Variants in DNER observed in about 807,000 individuals in gnomAD.
DNER encodes delta and Notch-like epidermal growth factor-related receptor.
DNER carries 33 observed loss-of-function variants against 78.2 expected under a neutral mutation model. The ratio of observed to expected loss-of-function variants is 0.42; its 90% CI spans 0.32 to 0.56. The LOEUF (loss-of-function observed/expected upper bound fraction) is 0.56, where lower values mean the gene tolerates loss of function less well. Among genes scored for constraint, DNER ranks in the 20% least tolerant of loss-of-function variants. DNER has a pLI of 0.11. For synonymous variants in DNER, 417 were observed against 384.8 expected, an observed-to-expected ratio of 1.08 and a Z score of -0.98; for missense variants, 918 against 975.3, an observed-to-expected ratio of 0.94 and a Z score of 0.78.
At chr2:229,686,645 T>C (rs1699486971) in intron 1 of DNER, among the ~76,000 whole-genome samples, 1 of 152,076 alleles carries the variant, frequency 6.6e-6, no homozygotes, top group Non-Finnish European at 1.5e-5. Context: ...TGCTCCTCCA[T>C]GAGCTGACTC....
chr2:229,683,338 C>G (rs1409728071), intron 1 of DNER, among the ~76,000 whole-genome samples: 1 of 152,158 alleles, frequency 6.6e-6, no homozygotes, highest in African/African-American at 2.4e-5. Context: ...ATATTCTTAA[C>G]CTTGACACGT....
rs2154218000 is a variant in DNER, at chr2:229,714,522, G to T, written c.-99C>A. 2 of 1,054,284 alleles carry T rather than the reference G, an allele frequency of 1.9e-6. No homozygotes were observed. Among genetic ancestry groups the T allele is most frequent in the Admixed American group, 5.4e-5 (1 of 18,404 alleles). 65.3% of individuals were successfully genotyped at this position (1,054,284 alleles called of 1,614,324 possible). A position where few individuals can be genotyped will look rare whatever the true frequency, so the allele number is the denominator to read the frequency against. ...CTGCGAGAGCGACGGTGGCGGCTAG[G>T]GCTGCTCCGCCGGGCCGGGCGCCTC... On this transcript the variant is annotated 5_prime_UTR_variant, in exon 1 of 13. Coordinates refer to ENST00000341772, the MANE Select transcript of DNER (RefSeq NM_139072.4).
intron 1 of DNER, among the ~76,000 whole-genome samples, chr2:229,660,767 T>C (rs1042906898): frequency 6.6e-6 from 1 of 152,180 alleles, no homozygotes; most frequent in Non-Finnish European, 1.5e-5. Flanking sequence ...ATCTCTTAGT[T>C]TTGGGGTGAG....
chr2:229,629,168 C>T (rs1265025667), intron 1 of DNER, among the ~76,000 whole-genome samples: 1 of 152,142 alleles, frequency 6.6e-6, no homozygotes, highest in East Asian at 1.9e-4. Context: ...AAATTGGCTG[C>T]AATCATCATA....
intron 4 of DNER, among the ~76,000 whole-genome samples, chr2:229,554,033 G>C (rs1696798905): frequency 6.6e-6 from 1 of 152,166 alleles, no homozygotes; most frequent in Non-Finnish European, 1.5e-5. Flanking sequence ...AATAACCCAA[G>C]TAGGCTGACC....
chr2:229,558,439 A>G (rs1428816771), intron 4 of DNER, among the ~76,000 whole-genome samples: 2 of 152,184 alleles, frequency 1.3e-5, no homozygotes, highest in Non-Finnish European at 2.9e-5. Context: ...GGGTTCTTAT[A>G]TCTTTTGTTA....
rs1233808091 is a variant in DNER at position 229,546,986 on chromosome 2, C to T, written c.954G>A (p.Glu318=). Reference sequence around the variant, plus strand: ...TGGTGCATTTTCCTTTTCCTGAACACTCCAAGTCATTTGCGTGACTCTCCC... The same window carrying T: ...TGGTGCATTTTCCTTTTCCTGAACATTCCAAGTCATTTGCGTGACTCTCCC... ...VPGESHANDL[E]CSGKGKCTTK... is the part of the protein sequence containing the mutation. Residue 318 remains glutamate (E), a synonymous_variant, in exon 5 of 13, where the codon GAG becomes GAA. Transcript: ENST00000341772. The T allele has an allele frequency of 1.2e-6, 2 of 1,614,106 alleles. No homozygotes were observed. The highest frequency in any genetic ancestry group is 1.3e-5 in the African/African-American group (1 of 74,942).
intron 7 of DNER, among the ~76,000 whole-genome samples, chr2:229,465,050 T>C (rs947880243): frequency 6.6e-6 from 1 of 152,094 alleles, no homozygotes; most frequent in Non-Finnish European, 1.5e-5. Context: ...GAACCAGAAG[T>C]ACGATTTGAC....
chr2:229,496,035 C>T (rs1048371832), intron 6 of DNER, among the ~76,000 whole-genome samples: 4 of 152,156 alleles, frequency 2.6e-5, no homozygotes, highest in African/African-American at 9.7e-5. Context: ...CCTAACTACC[C>T]TTCTTGCTCC....
rs1694569060 is a variant in DNER, at chr2:229,456,210, G to T, written c.1262-8670C>A. 3.9e-5 allele frequency among the ~76,000 whole-genome samples: 6 copies of T among 151,994 alleles called. No individual in the cohort carries two copies. In the South Asian group the frequency reaches 1.2e-3, roughly 32 times the overall value. ...AAAGGGAAAGCTGGCGTATCACAGG[G>T]TGAGAGCAAGAGCAAGAGAGAAATG... is the stretch of plus-strand genomic sequence containing the variant. On this transcript the variant is annotated intron_variant, in intron 7 of 12. Transcript: ENST00000341772.
At chr2:229,515,655 T>A (rs1695956143) in intron 5 of DNER, among the ~76,000 whole-genome samples, 1 of 150,126 alleles carries the variant, frequency 6.7e-6, no homozygotes, top group Non-Finnish European at 1.5e-5. Context: ...TTATTTTTTT[T>A]TTTTTGAGAC....
At chr2:229,551,437 C>A (rs1696734258) in intron 4 of DNER, among the ~76,000 whole-genome samples, 1 of 151,318 alleles carries the variant, frequency 6.6e-6, no homozygotes, top group Non-Finnish European at 1.5e-5. Context: ...ATTTCAAGAC[C>A]AGCCTGGCCA....
chr2:229,666,116 C>T (rs1036510926), intron 1 of DNER, among the ~76,000 whole-genome samples: 3 of 152,110 alleles, frequency 2.0e-5, no homozygotes, highest in African/African-American at 4.8e-5. Flanking sequence ...AATGGCCTAA[C>T]TGTTTGCCTC....
chr2:229,422,146 A>G (rs370838942), intron 8 of DNER, among the ~76,000 whole-genome samples: 1 of 152,112 alleles, frequency 6.6e-6, no homozygotes, highest in East Asian at 1.9e-4. Flanking sequence ...ATGTCAAGGC[A>G]CCCTTTATAC....
intron 3 of DNER, among the ~76,000 whole-genome samples, chr2:229,587,840 C>T (rs1000449551): frequency 3.9e-5 from 6 of 152,150 alleles, no homozygotes; most frequent in African/African-American, 1.4e-4. Flanking sequence ...AGCACTGCTT[C>T]CCTATGCCTC....
At chr2:229,447,625 T>A (rs555141345) in intron 7 of DNER, 85 bp from the exon 8 acceptor site, 2 of 1,346,058 alleles carry the variant, frequency 1.5e-6, no homozygotes, top group African/African-American at 1.5e-5. Context: ...CCACTGTATA[T>A]GCATAACAAT....
chr2:229,592,113 G>A (rs73998286), intron 1 of DNER, among the ~76,000 whole-genome samples: 5,869 of 152,190 alleles, frequency 0.039, 137 homozygotes, highest in Middle Eastern at 0.11. Flanking sequence ...AATACAAAGT[G>A]GAGAGCAGCC....
At chr2:229,624,535 C>G (rs1034259637) in intron 1 of DNER, among the ~76,000 whole-genome samples, 1 of 151,954 alleles carries the variant, frequency 6.6e-6, no homozygotes, top group Non-Finnish European at 1.5e-5. Flanking sequence ...AAGAGACTTT[C>G]CAAACTTTTC....
At chr2:229,693,922 A>T (rs548950338) in intron 1 of DNER, among the ~76,000 whole-genome samples, 16 of 152,372 alleles carry the variant, frequency 1.1e-4, no homozygotes, top group African/African-American at 3.6e-4. Context: ...AAATGTCTCC[A>T]GGGCATGTCA....
Sources: allele counts gnomAD v4.1 joint callset (sites outside exome capture counted in the v4.1 genomes callset), GRCh38; gene constraint gnomAD v4.1.1; transcripts MANE v1.5; gene names NCBI Gene and HGNC (gene_info 2026-07-23, HGNC 2026-07-21).